The following CTNNA3 variants were observed in gnomAD, a reference collection of about 807,000 sequenced individuals.
CTNNA3 encodes the protein catenin alpha 3.
A neutral mutation model predicts 95.7 loss-of-function variants in CTNNA3; 76 were observed. The observed-to-expected ratio is 0.79, with a 90% CI of 0.66 to 0.96. The LOEUF (loss-of-function observed/expected upper bound fraction) is 0.96. Among genes scored for constraint, CTNNA3 ranks in the 40% least tolerant of loss-of-function variants. The pLI, the probability that CTNNA3 is intolerant of heterozygous loss-of-function variation, is 0.00. For missense variants in CTNNA3, 1,191 were observed against 1,089.8 expected, an observed-to-expected ratio of 1.09 and a Z score of -1.31; for synonymous variants, 431 against 374.4, an observed-to-expected ratio of 1.15 and a Z score of -1.74.
chr10:66,009,101 G>GA (rs560119281), intron 15 of CTNNA3, among the ~76,000 whole-genome samples: 6,808 of 145,848 alleles, frequency 0.047, 515 homozygotes, highest in African/African-American at 0.16. Flanking sequence ...CTCAATCTCA[G>GA]AAAAAAAAAA....
chr10:67,166,709 C>T (rs1162439546), intron 7 of CTNNA3, among the ~76,000 whole-genome samples: 1 of 152,126 alleles, frequency 6.6e-6, no homozygotes, highest in Non-Finnish European at 1.5e-5. Context: ...TAATTCAGAT[C>T]CTTTATGTTC....
chr10:65,993,190 G>C, intron 15 of CTNNA3, among the ~76,000 whole-genome samples: 1 of 152,152 alleles, frequency 6.6e-6, no homozygotes, highest in African/African-American at 2.4e-5. Flanking sequence ...ATGTCTATGT[G>C]GTTATGGGAA....
intron 3 of CTNNA3, among the ~76,000 whole-genome samples, chr10:67,603,979 A>G (rs1358268674): frequency 6.6e-6 from 1 of 152,110 alleles, no homozygotes; most frequent in Non-Finnish European, 1.5e-5. Context: ...TTAATTTTTT[A>G]TACCATATTT....
chr10:66,913,711 T>TAG (rs1391179568), intron 7 of CTNNA3, among the ~76,000 whole-genome samples: 2 of 151,850 alleles, frequency 1.3e-5, no homozygotes, highest in African/African-American at 4.8e-5. Flanking sequence ...GAAGTAGGGG[T>TAG]CACAAAAAAG....
At chr10:66,925,798 C>T in intron 7 of CTNNA3, 1 of 319,290 alleles carries the variant, frequency 3.1e-6, no homozygotes, top group Non-Finnish European at 6.2e-6. Flanking sequence ...TAAGTGGACA[C>T]AGACAATAAA....
At chr10:66,725,153 G>T (rs548642690) in intron 9 of CTNNA3, among the ~76,000 whole-genome samples, 1 of 152,170 alleles carries the variant, frequency 6.6e-6, no homozygotes, top group East Asian at 1.9e-4. Flanking sequence ...GGAAAAGTTT[G>T]TACATGTTCA....
intron 5 of CTNNA3, among the ~76,000 whole-genome samples, chr10:67,305,598 A>AAAAT (rs1190597503): frequency 4.6e-5 from 7 of 152,010 alleles, no homozygotes; most frequent in East Asian, 3.9e-4. Context: ...GAATTGTAAA[A>AAAAT]AAATAAATAA....
intron 5 of CTNNA3, among the ~76,000 whole-genome samples, chr10:67,226,255 T>C (rs932660009): frequency 6.6e-6 from 1 of 152,202 alleles, no homozygotes; most frequent in African/African-American, 2.4e-5. Flanking sequence ...GAATAATTGA[T>C]GTTCTGGAGG....
At chr10:66,020,962 T>C (rs2079193030) in intron 15 of CTNNA3, among the ~76,000 whole-genome samples, 1 of 152,264 alleles carries the variant, frequency 6.6e-6, no homozygotes, top group Non-Finnish European at 1.5e-5. Flanking sequence ...CGTGAGCCAC[T>C]GCATCCGGCC....
chr10:66,371,866 G>T (rs983331231), intron 12 of CTNNA3, among the ~76,000 whole-genome samples: 3 of 152,134 alleles, frequency 2.0e-5, no homozygotes, highest in Non-Finnish European at 4.4e-5. Flanking sequence ...AATGCTTCTG[G>T]CACTGGAAGT....
chr10:66,597,511 C>CATACATATAT (rs1564557885), intron 10 of CTNNA3, among the ~76,000 whole-genome samples: 1 of 70,952 alleles, frequency 1.4e-5, no homozygotes, highest in Non-Finnish European at 2.9e-5. Context: ...TTATTTCATA[C>CATACATATAT]ATATATATAT....
At chr10:66,718,625 A>C (rs1848529572) in intron 9 of CTNNA3, among the ~76,000 whole-genome samples, 1 of 148,260 alleles carries the variant, frequency 6.7e-6, no homozygotes, top group South Asian at 2.1e-4. Context: ...TATTATAATT[A>C]AATATAATAA....
intron 10 of CTNNA3, among the ~76,000 whole-genome samples, chr10:66,553,931 T>C (rs868626706): frequency 1.3e-5 from 2 of 152,178 alleles, no homozygotes; most frequent in Non-Finnish European, 2.9e-5. Flanking sequence ...TGTCATATAT[T>C]TTATTCAAGT....
At chr10:66,220,594 G>A (rs2088872590) in intron 13 of CTNNA3, among the ~76,000 whole-genome samples, 1 of 152,168 alleles carries the variant, frequency 6.6e-6, no homozygotes, top group Admixed American at 6.5e-5. Context: ...TCGAGCTCTT[G>A]TTCAGCATCC....
intron 9 of CTNNA3, among the ~76,000 whole-genome samples, chr10:66,668,587 C>T (rs948761555): frequency 9.2e-5 from 14 of 151,812 alleles, no homozygotes; most frequent in Middle Eastern, 3.4e-3. Context: ...CCGAGGTGGG[C>T]GGATCACTTG....
At chr10:67,018,535 G>C (rs1444756874) in intron 7 of CTNNA3, among the ~76,000 whole-genome samples, 1 of 152,140 alleles carries the variant, frequency 6.6e-6, no homozygotes, top group Non-Finnish European at 1.5e-5. Context: ...CTTTAAATAA[G>C]GTTTCAATTC....
intron 11 of CTNNA3, among the ~76,000 whole-genome samples, chr10:66,434,904 AT>A (rs2131762981): frequency 6.7e-6 from 1 of 148,610 alleles, no homozygotes; most frequent in South Asian, 2.1e-4. Flanking sequence ...TGAGATAATC[AT>A]GTGTTTTTTT....
At chr10:65,994,143 TC>T (rs2078599559) in intron 15 of CTNNA3, among the ~76,000 whole-genome samples, 1 of 152,218 alleles carries the variant, frequency 6.6e-6, no homozygotes, top group African/African-American at 2.4e-5. Context: ...TATACTTCGT[TC>T]CTTTCTTTCT....
At chr10:66,328,123 AG>A (rs1022179034) in intron 12 of CTNNA3, among the ~76,000 whole-genome samples, 36 of 152,070 alleles carry the variant, frequency 2.4e-4, no homozygotes, top group African/African-American at 8.2e-4. Context: ...GTAGGTGTCT[AG>A]GGGGTAAGAA....
Sources: gnomAD v4.1 joint callset for allele counts (sites outside exome capture counted in the v4.1 genomes callset) on GRCh38, gnomAD v4.1.1 for gene constraint, MANE v1.5 for transcripts, NCBI Gene and HGNC (gene_info 2026-07-23, HGNC 2026-07-21) for gene names.